Variants in NLGN4X observed in about 807,000 individuals in gnomAD.
The protein encoded by NLGN4X is neuroligin 4 X-linked.
NLGN4X carries 3 observed loss-of-function variants against 40.3 expected under a neutral mutation model. The ratio of observed to expected loss-of-function variants is 0.07; its 90% CI spans 0.03 to 0.19. The LOEUF (loss-of-function observed/expected upper bound fraction) is 0.19. NLGN4X is among the 10% of genes least tolerant of loss of function. The pLI, the probability that NLGN4X is intolerant of heterozygous loss-of-function variation, is 1.00. For missense variants in NLGN4X, 382 were observed against 708.3 expected, an observed-to-expected ratio of 0.54 and a Z score of 5.23; for synonymous variants, 270 against 306.8, an observed-to-expected ratio of 0.88 and a Z score of 1.25.
intron 1 of NLGN4X, among the ~76,000 whole-genome samples, chrX:6,219,544 T>TTTTCTTTC (rs200235998): frequency 1.1e-5 from 1 of 94,656 alleles, no homozygotes; most frequent in East Asian, 3.2e-4. Flanking sequence ...TCCTTTTCTC[T>TTTTCTTTC]TTTCTTTCTT....
In NLGN4X at chrX:6,198,232, A is replaced by G. The variant is rs770711984; in HGVS notation, c.-306+30309T>C. Among the ~76,000 whole-genome samples, 5 of 111,791 alleles carry G rather than the reference A, an allele frequency of 4.5e-5. No individual in the cohort carries two copies. The South Asian group carries it at 1.5e-3, about 34-fold the overall frequency. On this transcript the variant is annotated intron_variant, in intron 1 of 5. Transcript: ENST00000381095. Reference sequence around the variant, plus strand: ...AATGACGTTTCGAATAAGCCTCTCCATGTAAGTTCATCATTACAACTAAAG... The same window carrying G: ...AATGACGTTTCGAATAAGCCTCTCCGTGTAAGTTCATCATTACAACTAAAG...
At chrX:6,064,443 TG>T (rs1375025858) in intron 2 of NLGN4X, among the ~76,000 whole-genome samples, 17 of 111,863 alleles carry the variant, frequency 1.5e-4, no homozygotes, top group Admixed American at 1.2e-3. Context: ...CCCCGCCCGC[TG>T]GGAGAATTTC....
intron 2 of NLGN4X, among the ~76,000 whole-genome samples, chrX:6,131,254 T>C (rs1266997932): frequency 9.0e-6 from 1 of 111,699 alleles, no homozygotes; most frequent in Non-Finnish European, 1.9e-5. Context: ...CTTCCCTGTA[T>C]ATGTTACTCT....
chrX:5,927,608 A>G (rs747724844), intron 3 of NLGN4X, among the ~76,000 whole-genome samples: 20 of 112,536 alleles, frequency 1.8e-4, no homozygotes, highest in South Asian at 3.7e-4. Context: ...CGCTAAAACC[A>G]GTCCTTCAAA....
intron 3 of NLGN4X, among the ~76,000 whole-genome samples, chrX:5,993,765 T>G (rs1041714989): frequency 2.7e-5 from 3 of 111,479 alleles, no homozygotes; most frequent in African/African-American, 9.8e-5. Context: ...TAGAAAGAAG[T>G]GCTCTTTGGT....
chrX:6,161,495 T>A (rs2040398948), intron 1 of NLGN4X, among the ~76,000 whole-genome samples: 1 of 103,106 alleles, frequency 9.7e-6, no homozygotes, highest in South Asian at 4.0e-4. Flanking sequence ...TTATTCTATA[T>A]ACATAGAATA....
At chrX:5,971,652 A>C (rs748048317) in intron 3 of NLGN4X, among the ~76,000 whole-genome samples, 3 of 111,893 alleles carry the variant, frequency 2.7e-5, no homozygotes, top group Non-Finnish European at 5.6e-5. Flanking sequence ...TTTTGCAAGG[A>C]GATGACACAT....
At chrX:6,080,816 C>T (rs115675839) in intron 2 of NLGN4X, among the ~76,000 whole-genome samples, 4,694 of 111,027 alleles carry the variant, frequency 0.042, 225 homozygotes, top group African/African-American at 0.13. Context: ...CAGAGGTTTA[C>T]GACTATGTGA....
At chrX:5,904,967 T>C (rs1336492795) in intron 4 of NLGN4X, among the ~76,000 whole-genome samples, 2 of 110,552 alleles carry the variant, frequency 1.8e-5, no homozygotes, top group Non-Finnish European at 3.8e-5. Context: ...GAAACCAATA[T>C]GGCTTTGACC....
At chrX:6,123,751 GAA>G (rs199947451) in intron 2 of NLGN4X, among the ~76,000 whole-genome samples, 1 of 87,245 alleles carries the variant, frequency 1.1e-5, no homozygotes, top group African/African-American at 4.2e-5. Flanking sequence ...CAACTATAAG[GAA>G]AAAAAAACAG....
chrX:6,018,591 GC>G lies in NLGN4X; in HGVS notation c.625+10688del, dbSNP rs769153487. 3.8e-3 allele frequency among the ~76,000 whole-genome samples: 421 copies of G among 111,893 alleles called. 4 individuals carry two copies. The highest frequency in any genetic ancestry group is 0.013 in the African/African-American group (404 of 30,806). On this transcript the variant is annotated intron_variant, in intron 3 of 5. Transcript: ENST00000381095. ...CCAAAGATCGTCAGCCTCGCGAGTA[GC>G]TGAGACTACAGGCATGCAACACTGC...
At chrX:5,963,588 A>G (rs967589162) in intron 3 of NLGN4X, among the ~76,000 whole-genome samples, 4 of 112,042 alleles carry the variant, frequency 3.6e-5, no homozygotes, top group African/African-American at 9.7e-5. Context: ...TTTCATCTTA[A>G]GGCTAACACA....
intron 3 of NLGN4X, among the ~76,000 whole-genome samples, chrX:5,968,467 G>C (rs1373618419): frequency 0.034 from 594 of 17,709 alleles, 17 homozygotes; most frequent in African/African-American, 0.072. Context: ...CTGTGTGTGT[G>C]TGTGTGTGTG....
intron 3 of NLGN4X, among the ~76,000 whole-genome samples, chrX:5,956,180 CTA>C (rs917420594): frequency 9.3e-6 from 1 of 107,042 alleles, no homozygotes; most frequent in African/African-American, 3.4e-5. Context: ...TATATTTAAT[CTA>C]TATGTGTGTA....
chrX:6,136,595 C>G, intron 2 of NLGN4X, among the ~76,000 whole-genome samples: 1 of 112,135 alleles, frequency 8.9e-6, no homozygotes, highest in Admixed American at 9.5e-5. Context: ...GCTGCTCTTT[C>G]ATCAAAGCAT....
At chrX:6,001,452 C>T (rs1227124607) in intron 3 of NLGN4X, among the ~76,000 whole-genome samples, 1 of 112,212 alleles carries the variant, frequency 8.9e-6, no homozygotes, top group Admixed American at 9.5e-5. Context: ...TAGAAAGAGA[C>T]ACATTCTTTA....
At chrX:6,021,966 T>G (rs1448383314) in intron 3 of NLGN4X, among the ~76,000 whole-genome samples, 1 of 111,704 alleles carries the variant, frequency 9.0e-6, no homozygotes, top group Non-Finnish European at 1.9e-5. Context: ...TTTTGCTACT[T>G]CCTGGGTTTG....
At chrX:6,036,486 A>G (rs996526426) in intron 2 of NLGN4X, among the ~76,000 whole-genome samples, 4 of 111,335 alleles carry the variant, frequency 3.6e-5, no homozygotes, top group Non-Finnish European at 5.6e-5. Context: ...TTTAAAACAA[A>G]CCAAGTTCTC....
chrX:6,202,989 C>T (rs1351373633), intron 1 of NLGN4X, among the ~76,000 whole-genome samples: 1 of 112,430 alleles, frequency 8.9e-6, no homozygotes, highest in Non-Finnish European at 1.9e-5. Flanking sequence ...ATCCCCATTT[C>T]CTCAATCTCT....
Sources: gnomAD v4.1 joint callset for allele counts (sites outside exome capture counted in the v4.1 genomes callset) on GRCh38, gnomAD v4.1.1 for gene constraint, MANE v1.5 for transcripts, NCBI Gene and HGNC (gene_info 2026-07-23, HGNC 2026-07-21) for gene names.